Variants in NTN4 observed in about 807,000 individuals in gnomAD.
The protein encoded by NTN4 is netrin-4.
Under a neutral mutation model 73.6 loss-of-function variants are expected in NTN4, and 32 were observed. That is an observed-to-expected ratio of 0.44 (90% CI 0.33 to 0.58). The LOEUF is 0.58. Ranked by LOEUF, NTN4 falls within the 20% of genes least tolerant of loss-of-function variation. The pLI is 0.04. For missense variants in NTN4, 654 were observed against 798.3 expected (o/e 0.82, Z 2.18); for synonymous variants, 258 against 287.5 (o/e 0.90, Z 1.04).
intron 8 of NTN4, among the ~76,000 whole-genome samples, chr12:95,667,891 T>TAAAG (rs750461700): frequency 6.8e-6 from 1 of 147,132 alleles, no homozygotes; most frequent in African/African-American, 2.6e-5. Flanking sequence ...AATAAATAAA[T>TAAAG]AAAACAAATA....
At chr12:95,760,201 TACAA>T (rs2078976975) in intron 2 of NTN4, among the ~76,000 whole-genome samples, 1 of 152,212 alleles carries the variant, frequency 6.6e-6, no homozygotes, top group African/African-American at 2.4e-5. Flanking sequence ...TTAACCCTAT[TACAA>T]AGGTTTTCTG....
upstream of NTN4, among the ~76,000 whole-genome samples, chr12:95,790,928 C>CGCCCG (rs1555222866): frequency 8.5e-6 from 1 of 117,128 alleles, no homozygotes; most frequent in Non-Finnish European, 1.7e-5. This position sits in a 1 kb window ranked among gnomAD's most constrained non-coding sequence, Gnocchi z 6.5. Context: ...CGCTGCCGCC[C>CGCCCG]GGGGGGGGGG....
intron 2 of NTN4, among the ~76,000 whole-genome samples, chr12:95,776,236 T>G (rs535855029): frequency 1.1e-3 from 162 of 152,062 alleles, no homozygotes; most frequent in African/African-American, 3.1e-3. Context: ...AAACTGGAAG[T>G]TCTAAAAATC....
At chr12:95,674,242 A>G (rs2078256409) in intron 7 of NTN4, among the ~76,000 whole-genome samples, 1 of 152,240 alleles carries the variant, frequency 6.6e-6, no homozygotes, top group African/African-American at 2.4e-5. Flanking sequence ...AGAAGAGTAC[A>G]GTAACTACTG....
chr12:95,681,608 C>G (rs116448032), intron 7 of NTN4, among the ~76,000 whole-genome samples: 2,607 of 152,276 alleles, frequency 0.017, 61 homozygotes, highest in African/African-American at 0.055. Flanking sequence ...TGTTAAGGAG[C>G]AAGTTAGTGC....
intron 2 of NTN4, among the ~76,000 whole-genome samples, chr12:95,756,755 A>T (rs2078950129): frequency 6.6e-6 from 1 of 151,294 alleles, no homozygotes; most frequent in African/African-American, 2.4e-5. Context: ...CTTTGTACCC[A>T]ACTTTATACT....
intron 3 of NTN4, among the ~76,000 whole-genome samples, chr12:95,731,458 C>T (rs951999630): frequency 1.3e-5 from 2 of 151,962 alleles, no homozygotes; most frequent in Non-Finnish European, 2.9e-5. Context: ...CCCAGCTACT[C>T]GGGAGGCTGA....
intron 2 of NTN4, among the ~76,000 whole-genome samples, chr12:95,782,346 G>C (rs1003297946): frequency 2.0e-5 from 3 of 151,598 alleles, no homozygotes; most frequent in South Asian, 2.1e-4. Flanking sequence ...CCCAGGCTGA[G>C]GTGCAGGGGC....
At chr12:95,670,193 G>A (rs748175133) in intron 7 of NTN4, 47 bp from the exon 8 acceptor site, 8 of 1,197,024 alleles carry the variant, frequency 6.7e-6, no homozygotes, top group Admixed American at 3.9e-5. Context: ...GAAAAGCAAA[G>A]AAAGAAAAAA....
chr12:95,729,608 T>C (rs1048966234), intron 3 of NTN4, among the ~76,000 whole-genome samples: 11 of 146,350 alleles, frequency 7.5e-5, no homozygotes, highest in Non-Finnish European at 1.3e-4. Flanking sequence ...TCTGGAATTA[T>C]TATAAAGAGA....
At chr12:95,735,903 A>ATTTT (rs772154084) in intron 3 of NTN4, among the ~76,000 whole-genome samples, 101 of 141,456 alleles carry the variant, frequency 7.1e-4, no homozygotes, top group African/African-American at 2.6e-3. Context: ...TTTTTTTTAA[A>ATTTT]TTTTTATTTA....
intron 5 of NTN4, among the ~76,000 whole-genome samples, chr12:95,692,079 A>G (rs1031321517): frequency 6.6e-6 from 1 of 152,182 alleles, no homozygotes; most frequent in Non-Finnish European, 1.5e-5. Flanking sequence ...CTTGTCGCCC[A>G]GGTTGGAGTG....
intron 9 of NTN4, among the ~76,000 whole-genome samples, chr12:95,661,751 A>G (rs2078139258): frequency 6.6e-6 from 1 of 152,184 alleles, no homozygotes; most frequent in African/African-American, 2.4e-5. Flanking sequence ...ACCACCATAA[A>G]TGAACCAACC....
At chr12:95,695,261 T>A (rs1468894787) in intron 5 of NTN4, among the ~76,000 whole-genome samples, 2 of 152,168 alleles carry the variant, frequency 1.3e-5, no homozygotes, top group Non-Finnish European at 2.9e-5. Flanking sequence ...ATGCATGAGA[T>A]CTGCCTCTAA....
intron 2 of NTN4, among the ~76,000 whole-genome samples, chr12:95,775,408 G>C (rs1295528024): frequency 1.3e-5 from 2 of 152,194 alleles, no homozygotes; most frequent in Admixed American, 6.5e-5. Context: ...GAAGCACAAA[G>C]GGTCAGGGAA....
At chr12:95,693,425 T>C (rs2078416480) in intron 5 of NTN4, among the ~76,000 whole-genome samples, 2 of 151,902 alleles carry the variant, frequency 1.3e-5, no homozygotes, top group Non-Finnish European at 2.9e-5. Flanking sequence ...GTTCCTTTCC[T>C]TGGACAAAAA....
intron 3 of NTN4, among the ~76,000 whole-genome samples, chr12:95,720,890 C>T (rs1326993732): frequency 6.6e-6 from 1 of 152,162 alleles, no homozygotes; most frequent in Non-Finnish European, 1.5e-5. Flanking sequence ...ACCCAGGCAC[C>T]ATTCTAGGCA....
intron 7 of NTN4, 93 bp downstream of exon 7, chr12:95,682,613 TC>T: frequency 1.3e-6 from 1 of 752,110 alleles, no homozygotes; most frequent in Non-Finnish European, 2.3e-6. Flanking sequence ...AGAGTTCCCC[TC>T]ATAGGATCCA....
At chr12:95,666,064 T>C in intron 8 of NTN4, 84 bp from the exon 9 acceptor site, 2 of 1,033,392 alleles carry the variant, frequency 1.9e-6, no homozygotes, top group Non-Finnish European at 1.4e-6. Flanking sequence ...TTTCAGAATA[T>C]AATGGAAAGG....
Sources: gnomAD v4.1 joint callset for allele counts (sites outside exome capture counted in the v4.1 genomes callset) on GRCh38, gnomAD v4.1.1 for gene constraint, Gnocchi (gnomAD v3.1) non-coding constraint, MANE v1.5 for transcripts, NCBI Gene and HGNC (gene_info 2026-07-23, HGNC 2026-07-21) for gene names.